PTPRG: variants seen among roughly 807,000 people sequenced by gnomAD.
The protein encoded by PTPRG is protein tyrosine phosphatase receptor type G.
PTPRG carries 102 observed loss-of-function variants against 165.3 expected under a neutral mutation model. The ratio of observed to expected loss-of-function variants is 0.62; its 90% confidence interval spans 0.53 to 0.73. The LOEUF is 0.73. Among genes scored for constraint, PTPRG ranks in the 30% least tolerant of loss-of-function variants. The pLI, the probability that PTPRG is intolerant of heterozygous loss-of-function variation, is 0.00. For synonymous variants in PTPRG, 675 were observed against 669.5 expected (o/e 1.01, Z -0.13); for missense variants, 1,866 against 1,861.4 (o/e 1.00, Z -0.05).
chr3:61,919,434 G>T lies in PTPRG; in HGVS notation c.191-70191G>T, dbSNP rs1575784443. ...CAGTATCCATGTGGTCATCTGCGATGTGTGCATCTCTATGCCTTAGGTGAA... is the reference window on the plus strand; with the variant it reads ...CAGTATCCATGTGGTCATCTGCGATTTGTGCATCTCTATGCCTTAGGTGAA... On this transcript the variant is annotated intron_variant, in intron 2 of 29. Transcript: ENST00000474889. Among the ~76,000 whole-genome samples the T allele has an allele frequency of 2.0e-5, 3 of 152,344 alleles. No individual in the cohort carries two copies. In the South Asian group the frequency reaches 6.2e-4, roughly 32 times the overall value.
chr3:61,667,563 G>GCT (rs1204277143), intron 1 of PTPRG, among the ~76,000 whole-genome samples: 1 of 152,050 alleles, frequency 6.6e-6, no homozygotes, highest in Admixed American at 6.6e-5. Flanking sequence ...TATGAGGGAG[G>GCT]CTCTATTAGG....
rs2106938062 is a variant in PTPRG, at chr3:62,237,930, TTTTC to T, written c.2376-5875_2376-5872del. ...TGAAGATATATGAGCCCGTGTTTGG[TTTTC>T]TAAAAAGGGATGAACGAATGGAGAG... On this transcript the variant is annotated intron_variant, in intron 14 of 29. Transcript: ENST00000474889. This position sits in a 1 kb window ranked among gnomAD's most constrained non-coding sequence, Gnocchi z 4.5. Among the ~76,000 whole-genome samples the T allele has an allele frequency of 6.6e-6, 1 of 152,318 alleles. No homozygotes were observed. The highest frequency in any genetic ancestry group is 1.5e-5 in the Non-Finnish European group (1 of 68,020).
At chr3:61,655,284 T>G (rs894129611) in intron 1 of PTPRG, among the ~76,000 whole-genome samples, 1 of 152,188 alleles carries the variant, frequency 6.6e-6, no homozygotes, top group African/African-American at 2.4e-5. Flanking sequence ...CATCTCTGAT[T>G]ATTGTCTTCC....
At chr3:61,899,056 A>G (rs1303895758) in intron 2 of PTPRG, among the ~76,000 whole-genome samples, 1 of 152,106 alleles carries the variant, frequency 6.6e-6, no homozygotes, top group Non-Finnish European at 1.5e-5. Context: ...CTATAGGCAC[A>G]TTCCACCATG....
chr3:61,931,018 G>A lies in PTPRG; in HGVS notation c.191-58607G>A, dbSNP rs143867578. On this transcript the variant is annotated intron_variant, in intron 2 of 29. Coordinates refer to ENST00000474889, the MANE Select transcript of PTPRG (RefSeq NM_002841.4). ...AGAGGTTGCAGTGAGCTGAGATCACGCCACTGCAGTCCAGCCTGGGTGACA... is the reference window on the plus strand; with the variant it reads ...AGAGGTTGCAGTGAGCTGAGATCACACCACTGCAGTCCAGCCTGGGTGACA... Among the ~76,000 whole-genome samples, 345 of 152,302 alleles carry A rather than the reference G, an allele frequency of 2.3e-3. 1 individual carries two copies. Among genetic ancestry groups the A allele is most frequent in the East Asian group, 7.0e-3 (36 of 5,176 alleles).
intron 1 of PTPRG, among the ~76,000 whole-genome samples, chr3:61,598,618 A>T (rs767858007): frequency 6.6e-6 from 1 of 152,126 alleles, no homozygotes; most frequent in Non-Finnish European, 1.5e-5. Flanking sequence ...ACAAGAGAAG[A>T]TGTGAGCTTG....
At chr3:62,111,072 T>C (rs1313817853) in intron 5 of PTPRG, among the ~76,000 whole-genome samples, 1 of 152,242 alleles carries the variant, frequency 6.6e-6, no homozygotes, top group Non-Finnish European at 1.5e-5. Flanking sequence ...GAGCCAGATG[T>C]AGGGAGTCTG....
intron 6 of PTPRG, among the ~76,000 whole-genome samples, chr3:62,145,151 G>T (rs187613737): frequency 2.6e-5 from 4 of 152,140 alleles, no homozygotes; most frequent in Non-Finnish European, 5.9e-5. Flanking sequence ...ACACTATTGC[G>T]TAGTGGGTTT....
At chr3:61,892,294 C>G (rs2038236649) in intron 2 of PTPRG, among the ~76,000 whole-genome samples, 1 of 152,184 alleles carries the variant, frequency 6.6e-6, no homozygotes. Flanking sequence ...TGGCACGATC[C>G]TGGCCTACTG....
At chr3:61,908,518 G>A (rs2038716997) in intron 2 of PTPRG, among the ~76,000 whole-genome samples, 1 of 151,818 alleles carries the variant, frequency 6.6e-6, no homozygotes, top group South Asian at 2.1e-4. Flanking sequence ...CCACATGTAA[G>A]ATTTGGAGGA....
At chr3:61,906,144 C>T (rs1268694470) in intron 2 of PTPRG, among the ~76,000 whole-genome samples, 6 of 151,036 alleles carry the variant, frequency 4.0e-5, no homozygotes, top group African/African-American at 1.5e-4. Flanking sequence ...CATTTTAAGA[C>T]CTTGGATTTA....
At chr3:61,822,684 A>C (rs2107262055) in intron 2 of PTPRG, among the ~76,000 whole-genome samples, 1 of 152,340 alleles carries the variant, frequency 6.6e-6, no homozygotes, top group Non-Finnish European at 1.5e-5. Context: ...AATTTAAGCA[A>C]GGAGGAATTT....
chr3:61,761,339 G>A (rs1316191432), intron 2 of PTPRG, among the ~76,000 whole-genome samples: 3 of 152,180 alleles, frequency 2.0e-5, no homozygotes, highest in Non-Finnish European at 4.4e-5. Context: ...CAGTTTGGGA[G>A]GTTGAGGTGG....
intron 2 of PTPRG, among the ~76,000 whole-genome samples, chr3:61,980,764 C>A (rs2040621061): frequency 6.6e-6 from 1 of 152,102 alleles, no homozygotes; most frequent in South Asian, 2.1e-4. Flanking sequence ...TTGATCAGAT[C>A]TTCCTCTCTA....
At chr3:61,824,740 G>A (rs923295792) in intron 2 of PTPRG, among the ~76,000 whole-genome samples, 22 of 152,168 alleles carry the variant, frequency 1.4e-4, no homozygotes, top group African/African-American at 5.1e-4. Context: ...GCAGTGAGCT[G>A]TGACCTTGCC....
intron 2 of PTPRG, among the ~76,000 whole-genome samples, chr3:61,833,357 G>A (rs1286750577): frequency 2.0e-5 from 3 of 152,136 alleles, no homozygotes; most frequent in Non-Finnish European, 4.4e-5. Flanking sequence ...AAAACGTGCA[G>A]AAGAAATCTC....
At chr3:61,642,357 C>T (rs1702089820) in intron 1 of PTPRG, among the ~76,000 whole-genome samples, 1 of 152,148 alleles carries the variant, frequency 6.6e-6, no homozygotes, top group Admixed American at 6.5e-5. Context: ...ATGCGAGGAC[C>T]TTTCTTGGCC....
chr3:61,636,420 T>G (rs1419914464), intron 1 of PTPRG, among the ~76,000 whole-genome samples: 2 of 152,254 alleles, frequency 1.3e-5, no homozygotes, highest in Non-Finnish European at 2.9e-5. Flanking sequence ...GGTGGCCTTT[T>G]GTGTCTGACT....
chr3:62,154,048 A>G (rs1274973850), intron 6 of PTPRG, among the ~76,000 whole-genome samples: 2 of 152,166 alleles, frequency 1.3e-5, no homozygotes, highest in Non-Finnish European at 2.9e-5. Context: ...CTGGTCTTCT[A>G]TTTATCCAGC....
Sources: gnomAD v4.1 joint callset for allele counts (sites outside exome capture counted in the v4.1 genomes callset) on GRCh38, gnomAD v4.1.1 for gene constraint, Gnocchi (gnomAD v3.1) non-coding constraint, MANE v1.5 for transcripts, NCBI Gene and HGNC (gene_info 2026-07-23, HGNC 2026-07-21) for gene names.